The following NCOA3 variants were observed in gnomAD, a reference collection of about 807,000 sequenced individuals.
NCOA3 encodes the protein CBP-interacting protein.
Under a neutral mutation model 158.8 loss-of-function variants are expected in NCOA3, and 51 were observed. The observed-to-expected ratio is 0.32, with a 90% CI of 0.26 to 0.41. The LOEUF (loss-of-function observed/expected upper bound fraction) is 0.41. NCOA3 is among the 10% of genes least tolerant of loss of function. The pLI is 1.00. For synonymous variants in NCOA3, 537 were observed against 592.4 expected (o/e 0.91, Z 1.36); for missense variants, 1,510 against 1,746.6 (o/e 0.86, Z 2.41).
chr20:47,555,632 GTTTTTTTT>G (rs74178745), intron 1 of NCOA3, among the ~76,000 whole-genome samples: 1 of 64,154 alleles, frequency 1.6e-5, no homozygotes, highest in Non-Finnish European at 2.7e-5. Context: ...CTATTAAAGT[GTTTTTTTT>G]TTTTTTTTTT....
chr20:47,606,303 C>G (rs1185404508), intron 2 of NCOA3, among the ~76,000 whole-genome samples: 1 of 152,198 alleles, frequency 6.6e-6, no homozygotes, highest in Non-Finnish European at 1.5e-5. Context: ...ATGGTTAAGA[C>G]TATTCTCATA....
At chr20:47,511,550 T>TATATATATATATATACACATACACACAC in intron 1 of NCOA3, among the ~76,000 whole-genome samples, 1 of 52,270 alleles carries the variant, frequency 1.9e-5, no homozygotes, top group African/African-American at 5.4e-5. Context: ...TATATATATA[T>TATATATATATATATACACATACACACAC]ATATATTTCT....
At chr20:47,511,548 T>C (rs13038943) in intron 1 of NCOA3, among the ~76,000 whole-genome samples, 3,676 of 20,310 alleles carry the variant, frequency 0.18, 578 homozygotes, top group African/African-American at 0.26. Context: ...TATATATATA[T>C]ATATATATTT....
At chr20:47,520,687 G>A (rs912255122) in intron 1 of NCOA3, among the ~76,000 whole-genome samples, 2 of 152,060 alleles carry the variant, frequency 1.3e-5, no homozygotes, top group African/African-American at 4.8e-5. Context: ...TGCCCTGGAA[G>A]GCTCAAACCC....
chr20:47,502,063 G>A, intron 1 of NCOA3, 44 bp downstream of exon 1: 1 of 399,538 alleles, frequency 2.5e-6, no homozygotes, highest in Non-Finnish European at 4.4e-6. Flanking sequence ...CGAGGGGGTG[G>A]AGTGCGAGGC....
intron 2 of NCOA3, among the ~76,000 whole-genome samples, chr20:47,590,054 G>A (rs1298519011): frequency 1.3e-5 from 2 of 152,028 alleles, no homozygotes; most frequent in Non-Finnish European, 2.9e-5. Context: ...CCCTGCATTG[G>A]TTTCCCCAAG....
intron 1 of NCOA3, among the ~76,000 whole-genome samples, chr20:47,558,669 T>G (rs1354142570): frequency 1.3e-5 from 2 of 152,110 alleles, no homozygotes; most frequent in Admixed American, 6.6e-5. Flanking sequence ...GGATGCTGCT[T>G]CTTCTAAGTC....
At chr20:47,569,876 G>A (rs977025521) in intron 1 of NCOA3, among the ~76,000 whole-genome samples, 2 of 150,704 alleles carry the variant, frequency 1.3e-5, no homozygotes, top group African/African-American at 4.9e-5. Flanking sequence ...TGGACGTGGC[G>A]GCGGGTGCCT....
intron 1 of NCOA3, among the ~76,000 whole-genome samples, chr20:47,511,550 T>TATATATATATACACAC: frequency 2.9e-4 from 15 of 52,262 alleles, no homozygotes; most frequent in South Asian, 1.9e-3. Flanking sequence ...TATATATATA[T>TATATATATATACACAC]ATATATTTCT....
chr20:47,555,593 T>C (rs956245010), intron 1 of NCOA3, among the ~76,000 whole-genome samples: 13 of 151,656 alleles, frequency 8.6e-5, no homozygotes, highest in Non-Finnish European at 1.8e-4. Flanking sequence ...TGATTTTGGA[T>C]GCAGATTTAT....
At chr20:47,582,627 A>G (rs1370717924) in intron 1 of NCOA3, among the ~76,000 whole-genome samples, 1 of 152,122 alleles carries the variant, frequency 6.6e-6, no homozygotes, top group Non-Finnish European at 1.5e-5. Context: ...TCAGCCTTTC[A>G]AAGTTCTGGG....
At chr20:47,577,688 C>G (rs2085392798) in intron 1 of NCOA3, among the ~76,000 whole-genome samples, 2 of 152,116 alleles carry the variant, frequency 1.3e-5, no homozygotes, top group African/African-American at 4.8e-5. Flanking sequence ...CAGTGCAGTG[C>G]CTGATTCTAA....
chr20:47,533,649 C>T (rs2084586655), intron 1 of NCOA3, among the ~76,000 whole-genome samples: 1 of 152,118 alleles, frequency 6.6e-6, no homozygotes, highest in Admixed American at 6.6e-5. Flanking sequence ...GAGAGCTAGG[C>T]CAGGTGCACT....
At position 47,636,643 on chromosome 20, in the gene NCOA3, A is replaced by T; in HGVS notation, c.2257A>T (p.Lys753Ter). Reference protein sequence around the residue: ...DRDDPSDALSKELQPQVEGVD... With the variant: ...DRDDPSDALS ...GGATGATCCTAGTGATGCACTCTCT[A>T]AAGAACTACAGCCCCAAGTGGAAGG... is the stretch of plus-strand genomic sequence containing the variant. The change falls in exon 12 of 23, where the codon AAA (lysine) becomes TAA (stop). Residue 753 changes from lysine (K) to a stop codon, truncating the protein, a stop_gained. Transcript: ENST00000371998. LOFTEE classifies it high-confidence loss of function. The T allele has an allele frequency of 1.2e-6, 2 of 1,614,206 alleles. No individual in the cohort carries two copies. The highest frequency in any genetic ancestry group is 1.7e-6 in the Non-Finnish European group (2 of 1,180,026).
chr20:47,607,910 G>A (rs569302994), intron 2 of NCOA3, among the ~76,000 whole-genome samples: 5 of 152,178 alleles, frequency 3.3e-5, no homozygotes, highest in African/African-American at 9.6e-5. Flanking sequence ...ATTAAGTCAG[G>A]TAATTATATG....
intron 1 of NCOA3, among the ~76,000 whole-genome samples, chr20:47,507,610 TTTGTTG>T (rs11472962): frequency 7.3e-5 from 11 of 151,484 alleles, no homozygotes; most frequent in African/African-American, 2.2e-4. Context: ...CCAACAACTT[TTTGTTG>T]TTGTTGTTGT....
chr20:47,605,102 G>A (rs2085924717), intron 2 of NCOA3, among the ~76,000 whole-genome samples: 1 of 152,166 alleles, frequency 6.6e-6, no homozygotes, highest in Admixed American at 6.5e-5. Flanking sequence ...TCTTGACCTC[G>A]TGATCCGCCC....
At chr20:47,554,962 A>G (rs1425178332) in intron 1 of NCOA3, among the ~76,000 whole-genome samples, 3 of 152,306 alleles carry the variant, frequency 2.0e-5, no homozygotes, top group South Asian at 4.1e-4. Context: ...AAACTATACT[A>G]CAAGGCTACA....
chr20:47,616,030 C>G (rs1026537611), intron 2 of NCOA3, among the ~76,000 whole-genome samples: 1 of 151,518 alleles, frequency 6.6e-6, no homozygotes, highest in Non-Finnish European at 1.5e-5. Flanking sequence ...TGGTGGCAGG[C>G]GCCTGTAGTC....
Sources: gnomAD v4.1 joint callset for allele counts (sites outside exome capture counted in the v4.1 genomes callset) on GRCh38, gnomAD v4.1.1 for gene constraint, MANE v1.5 for transcripts, NCBI Gene and HGNC (gene_info 2026-07-23, HGNC 2026-07-21) for gene names.